The following TMEM192 variants were observed in gnomAD, a reference collection of about 807,000 sequenced individuals.
TMEM192 encodes the protein transmembrane protein 192.
TMEM192 carries 20 observed loss-of-function variants against 26.7 expected under a neutral mutation model. The ratio of observed to expected loss-of-function variants is 0.75; its 90% confidence interval spans 0.53 to 1.09. The LOEUF is 1.09. TMEM192 is among the 50% of genes least tolerant of loss of function. The probability of loss-of-function intolerance (pLI) is 0.00; values close to 1 mark genes in which losing one functional copy is unlikely to be tolerated. For missense variants in TMEM192, 304 were observed against 322.6 expected (o/e 0.94, Z 0.44); for synonymous variants, 124 against 121.0 (o/e 1.02, Z -0.16).
rs1426566950 is a variant in TMEM192, at chr4:165,088,559, G to A, written c.483C>T (p.Phe161=). ...LLLILCMQHS[F]PEPGRLYLDL... is the part of the protein sequence containing the mutation. ...CAAGATACAATCTGCCAGGCTCTGGGAAGGAGTGCTGCATGCACAGTATGA... is the reference window on the plus strand; with the variant it reads ...CAAGATACAATCTGCCAGGCTCTGGAAAGGAGTGCTGCATGCACAGTATGA... The change falls in exon 4 of 6, where the codon TTC becomes TTT. Residue 161 remains phenylalanine (F), a synonymous_variant. Coordinates refer to ENST00000306480, the MANE Select transcript of TMEM192 (RefSeq NM_001100389.2). The A allele has an allele frequency of 1.9e-6, 3 of 1,613,510 alleles. No individual in the cohort carries two copies. The highest frequency in any genetic ancestry group is 2.5e-6 in the Non-Finnish European group (3 of 1,179,820).
At chr4:165,084,675 G>A (rs533671018) in intron 5 of TMEM192, among the ~76,000 whole-genome samples, 5 of 151,390 alleles carry the variant, frequency 3.3e-5, no homozygotes, top group South Asian at 4.2e-4. Flanking sequence ...TTGGGAGGCC[G>A]AGGTGGATGG....
In TMEM192 at chr4:165,074,816, TG is replaced by T. The variant is rs1232025776; in HGVS notation, c.*4841del. ...CTGGTCTCGAACTCCTGACCTCAAG[TG>T]ATCTGCCTGCCTTGGCCTCCCAAAG... On this transcript the variant is annotated 3_prime_UTR_variant, in exon 6 of 6. Transcript: ENST00000306480. 13 of 151,718 alleles carry T rather than the reference TG, an allele frequency of 8.6e-5. 1 individual carries two copies. The highest frequency in any genetic ancestry group is 3.2e-4 in the African/African-American group (13 of 41,262). The allele number at this position is 151,718 out of a possible 1,614,324, so 9.4% of individuals were successfully genotyped here. A position where few individuals can be genotyped will look rare whatever the true frequency, so the allele number is the denominator to read the frequency against.
At chr4:165,084,403 T>C (rs1441375061) in intron 5 of TMEM192, among the ~76,000 whole-genome samples, 2 of 151,742 alleles carry the variant, frequency 1.3e-5, no homozygotes, top group African/African-American at 4.8e-5. Flanking sequence ...TTCATCATGT[T>C]GGCCAGGCTG....
At chr4:165,105,899 T>TC (rs1312021670) in intron 1 of TMEM192, among the ~76,000 whole-genome samples, 3 of 152,120 alleles carry the variant, frequency 2.0e-5, no homozygotes, top group East Asian at 3.9e-4. Flanking sequence ...CCATGAGGGT[T>TC]CCCCCCCTCA....
intron 1 of TMEM192, among the ~76,000 whole-genome samples, chr4:165,108,282 C>T (rs981600820): frequency 3.3e-5 from 5 of 151,910 alleles, no homozygotes; most frequent in East Asian, 1.9e-4. Context: ...GCACCACGCC[C>T]GGCTAATTTT....
intron 1 of TMEM192, among the ~76,000 whole-genome samples, chr4:165,106,379 G>A (rs936317294): frequency 6.6e-6 from 1 of 152,034 alleles, no homozygotes; most frequent in Non-Finnish European, 1.5e-5. Flanking sequence ...ACAAACATTC[G>A]TGTTTCTCTC....
At chr4:165,107,881 G>C (rs1735203148) in intron 1 of TMEM192, among the ~76,000 whole-genome samples, 1 of 151,886 alleles carries the variant, frequency 6.6e-6, no homozygotes, top group Non-Finnish European at 1.5e-5. Flanking sequence ...GTTTGAGCTG[G>C]GTCTACTTTG....
intron 3 of TMEM192, among the ~76,000 whole-genome samples, chr4:165,095,314 G>T (rs1245468200): frequency 1.3e-5 from 2 of 152,164 alleles, no homozygotes; most frequent in African/African-American, 4.8e-5. Flanking sequence ...CACATGCTAT[G>T]CAGCCCCTCC....
At chr4:165,106,401 T>G (rs2110796524) in intron 1 of TMEM192, among the ~76,000 whole-genome samples, 1 of 152,304 alleles carries the variant, frequency 6.6e-6, no homozygotes, top group South Asian at 2.1e-4. Flanking sequence ...TCAAAAACTT[T>G]GGGTAGCTCC....
At chr4:165,091,524 T>C (rs995130014) in intron 3 of TMEM192, among the ~76,000 whole-genome samples, 1 of 152,168 alleles carries the variant, frequency 6.6e-6, no homozygotes, top group Admixed American at 6.5e-5. Flanking sequence ...AGAAGTGTTC[T>C]ATGTAGGAAC....
chr4:165,098,626 ATTT>A (rs567499288), intron 3 of TMEM192, among the ~76,000 whole-genome samples: 1 of 149,592 alleles, frequency 6.7e-6, no homozygotes, highest in African/African-American at 2.5e-5. Context: ...TTCAAAAAAA[ATTT>A]TTTTTTCTTT....
intron 1 of TMEM192, among the ~76,000 whole-genome samples, chr4:165,106,111 C>T (rs867759164): frequency 2.0e-5 from 3 of 152,336 alleles, no homozygotes; most frequent in Middle Eastern, 3.4e-3. Context: ...GTGGTCAATA[C>T]ATTTCTATTT....
Position 165,112,727 on chromosome 4 carries a change from C to A in TMEM192, c.27+20G>T. ...AAAGCGGATTCCGGGGCCAACCGCC[C>A]GCCGCCTCCGTGCACTCACGTCCTC... is the stretch of plus-strand genomic sequence containing the variant. On this transcript the variant is annotated intron_variant, in intron 1 of 5. Coordinates refer to ENST00000306480, the MANE Select transcript of TMEM192 (RefSeq NM_001100389.2). 1.2e-6 allele frequency: 2 copies of A among 1,609,026 alleles called. No homozygotes were observed. Among genetic ancestry groups the A allele is most frequent in the Non-Finnish European group, 1.7e-6 (2 of 1,179,154 alleles).
chr4:165,084,301 C>A (rs542908960), intron 5 of TMEM192, among the ~76,000 whole-genome samples: 1 of 151,454 alleles, frequency 6.6e-6, no homozygotes, highest in South Asian at 2.1e-4. Context: ...CGGGTTCAAG[C>A]GATTCTCCTG....
rs758079093 is a variant in TMEM192 at position 165,103,148 on chromosome 4, T to C, written c.28-52A>G. The stretch of plus-strand genomic sequence containing the variant: ...ATAATCACCACTTTCTAGATTATGT[T>C]TCTAAGACAAATCTACTAAACTACA... On this transcript the variant is annotated intron_variant, in intron 1 of 5. Coordinates refer to ENST00000306480, the MANE Select transcript of TMEM192 (RefSeq NM_001100389.2). 4 of 1,490,528 alleles carry C rather than the reference T, an allele frequency of 2.7e-6. No individual in the cohort carries two copies. In the East Asian group the frequency reaches 7.0e-5, roughly 26 times the overall value. The allele number at this position is 1,490,528 out of a possible 1,614,324, so 92.3% of individuals were successfully genotyped here. A position where few individuals can be genotyped will look rare whatever the true frequency, so the allele number is the denominator to read the frequency against.
At chr4:165,103,175 A>G in intron 1 of TMEM192, 79 bp from the exon 2 acceptor site, 1 of 1,364,388 alleles carries the variant, frequency 7.3e-7, no homozygotes, top group Non-Finnish European at 9.6e-7. Context: ...TAAACTACAG[A>G]GCTTTTTAAC....
intron 3 of TMEM192, among the ~76,000 whole-genome samples, chr4:165,093,684 G>A (rs1163980006): frequency 6.6e-6 from 1 of 152,104 alleles, no homozygotes; most frequent in Non-Finnish European, 1.5e-5. Context: ...TATCAGTTTT[G>A]TGCTAACCAA....
At chr4:165,112,125 C>G (rs1735305931) in intron 1 of TMEM192, among the ~76,000 whole-genome samples, 1 of 152,072 alleles carries the variant, frequency 6.6e-6, no homozygotes. Context: ...TTGAATCTAT[C>G]AAAGATTTAA....
chr4:165,109,019 A>G (rs114474904), intron 1 of TMEM192, among the ~76,000 whole-genome samples: 2,885 of 152,302 alleles, frequency 0.019, 40 homozygotes, highest in Middle Eastern at 0.054. Flanking sequence ...GATGTCCGGT[A>G]TCTCACAAAG....
Sources: gnomAD v4.1 joint callset for allele counts (sites outside exome capture counted in the v4.1 genomes callset) on GRCh38, gnomAD v4.1.1 for gene constraint, MANE v1.5 for transcripts, NCBI Gene and HGNC (gene_info 2026-07-23, HGNC 2026-07-21) for gene names.